The following KCTD9 variants were observed in gnomAD, a reference collection of about 807,000 sequenced individuals.
The protein encoded by KCTD9 is potassium channel tetramerization domain containing 9, also known as BTB/POZ domain-containing protein KCTD9.
KCTD9 carries 17 observed loss-of-function variants against 53.3 expected under a neutral mutation model. That is an observed-to-expected ratio of 0.32 (90% confidence interval 0.22 to 0.48). The LOEUF is 0.48. KCTD9 is among the 20% of genes least tolerant of loss of function. The pLI, the probability that KCTD9 is intolerant of heterozygous loss-of-function variation, is 0.99. For missense variants in KCTD9, 179 were observed against 465.5 expected (o/e 0.38, Z 5.66); for synonymous variants, 128 against 162.7 (o/e 0.79, Z 1.62).
chr8:25,445,978 A>G (rs1802207631), intron 2 of KCTD9, 151 bp downstream of exon 2: 1 of 915,242 alleles, frequency 1.1e-6, no homozygotes, highest in African/African-American at 1.7e-5. Context: ...CCTTAAGCCC[A>G]AATGATTTAA....
intron 1 of KCTD9, among the ~76,000 whole-genome samples, chr8:25,457,998 G>A (rs1263955304): frequency 6.6e-6 from 1 of 151,524 alleles, no homozygotes; most frequent in Non-Finnish European, 1.5e-5. Context: ...CTGAGGCACT[G>A]AAGGGCAGGC....
At chr8:25,448,330 C>A (rs7841309) in intron 1 of KCTD9, among the ~76,000 whole-genome samples, 148,246 of 152,172 alleles carry the variant, frequency 0.97, 72,313 homozygotes, top group East Asian at 1. Flanking sequence ...AAGTACCCAA[C>A]ACAGGCAAAT....
chr8:25,450,399 T>C, intron 1 of KCTD9: 12 of 984,490 alleles, frequency 1.2e-5, no homozygotes, highest in Non-Finnish European at 1.4e-5. Flanking sequence ...AGCAGGTCTT[T>C]GACAAATATT....
In KCTD9 at chr8:25,458,255, C is replaced by A. The variant is rs1350866537; in HGVS notation, c.-9G>T. On this transcript the variant is annotated 5_prime_UTR_variant, in exon 1 of 12. Transcript: ENST00000221200. ...AGGGTCACCCGCCTCATCGCGCTGC[C>A]CCCGCTGGGTCCTGAGTGAGCCGCC... 1 of 1,610,554 alleles carries A rather than the reference C, an allele frequency of 6.2e-7. No homozygotes were observed. The highest frequency in any genetic ancestry group is 8.5e-7 in the Non-Finnish European group (1 of 1,179,558).
chr8:25,446,378 A>G, intron 1 of KCTD9, 128 bp from the exon 2 acceptor site: 1 of 1,054,914 alleles, frequency 9.5e-7, no homozygotes, highest in Non-Finnish European at 1.4e-6. Context: ...AAGGTTCTTA[A>G]CAGTGCCCCC....
At position 25,428,541 on chromosome 8, in the gene KCTD9, T is replaced by C. The variant is rs1801877435; in HGVS notation, c.*1316A>G. 6.6e-6 allele frequency: 1 copy of C among 152,410 alleles called. No individual in the cohort carries two copies. Among genetic ancestry groups the C allele is most frequent in the African/African-American group, 2.4e-5 (1 of 41,368 alleles). The allele number at this position is 152,410 out of a possible 1,614,324, so 9.4% of individuals were successfully genotyped here. On this transcript the variant is annotated 3_prime_UTR_variant, in exon 12 of 12. Coordinates refer to ENST00000221200, the MANE Select transcript of KCTD9 (RefSeq NM_017634.4). ...AGAACCCATTTGGACACAGCTAATA[T>C]CCCTGCTCTTGGGGTAGAAAATAAG... is the stretch of plus-strand genomic sequence containing the variant.
chr8:25,435,924 A>G (rs1302371047), intron 8 of KCTD9, among the ~76,000 whole-genome samples: 2 of 152,228 alleles, frequency 1.3e-5, no homozygotes, highest in African/African-American at 4.8e-5. Context: ...ACACATAAGT[A>G]AAGTACCTGC....
chr8:25,430,808 TACACACACAC>T lies in KCTD9; in HGVS notation c.1054-845_1054-836del, dbSNP rs139075991. ...ACAGAATGGATTCCAACATAATAAA[TACACACACAC>T]ACACACACACACACACACACACACA... On this transcript the variant is annotated intron_variant, in intron 11 of 11. Transcript: ENST00000221200. Among the ~76,000 whole-genome samples the T allele has an allele frequency of 1.2e-3, 174 of 145,574 alleles. 1 individual carries two copies. Among genetic ancestry groups the T allele is most frequent in the African/African-American group, 3.9e-3 (152 of 39,050 alleles).
At chr8:25,450,170 C>T (rs948265821) in intron 1 of KCTD9, among the ~76,000 whole-genome samples, 2 of 152,194 alleles carry the variant, frequency 1.3e-5, no homozygotes, top group Non-Finnish European at 2.9e-5. Flanking sequence ...GTATCAAAAA[C>T]AATTTACCGT....
rs1801970605 is a variant in KCTD9 at position 25,433,764 on chromosome 8, CAT to C, written c.814-331_814-330del. ...ACACCTCTATCTCTATTTTTATAAA[CAT>C]ACCTATGCATGACAATGAAACAGTC... On this transcript the variant is annotated intron_variant, in intron 9 of 11. Transcript: ENST00000221200. Among the ~76,000 whole-genome samples the C allele has an allele frequency of 2.6e-5, 4 of 152,262 alleles. No individual in the cohort carries two copies. In the South Asian group the frequency reaches 8.3e-4, roughly 32 times the overall value.
Position 25,428,235 on chromosome 8 carries a change from T to C in KCTD9, c.*1622A>G, listed in dbSNP as rs750112957. The C allele has an allele frequency of 6.6e-6, 1 of 152,624 alleles. No individual in the cohort carries two copies. 9.5% of individuals were successfully genotyped at this position (152,624 alleles called of 1,614,324 possible). The stretch of plus-strand genomic sequence containing the variant: ...GATTTAAATATAATTTAGGCACATA[T>C]TGATTATGAAAATAGATTATCTCTC... On this transcript the variant is annotated 3_prime_UTR_variant, in exon 12 of 12. Transcript: ENST00000221200.
At chr8:25,451,262 A>T (rs1167080084) in intron 1 of KCTD9, among the ~76,000 whole-genome samples, 2 of 152,246 alleles carry the variant, frequency 1.3e-5, no homozygotes, top group Non-Finnish European at 2.9e-5. Context: ...TTTGTCATAC[A>T]TATGGAAAAG....
chr8:25,446,051 A>G (rs1235775608), intron 2 of KCTD9, 78 bp downstream of exon 2: 2 of 1,544,340 alleles, frequency 1.3e-6, no homozygotes, highest in African/African-American at 1.4e-5. Context: ...CAGTGATTAA[A>G]TTACTGCTTA....
At chr8:25,439,438 C>A (rs778020774) in intron 5 of KCTD9, 31 bp from the exon 6 acceptor site, 1 of 1,578,072 alleles carries the variant, frequency 6.3e-7, no homozygotes, top group Non-Finnish European at 8.6e-7. Context: ...AGAAAGTCCC[C>A]CATAAACAAA....
intron 1 of KCTD9, among the ~76,000 whole-genome samples, chr8:25,447,398 A>T (rs1462690235): frequency 6.6e-6 from 1 of 152,170 alleles, no homozygotes; most frequent in Non-Finnish European, 1.5e-5. Context: ...CCGCTAAAAA[A>T]AGAAAAATAA....
rs1416884110 is a variant in KCTD9, at chr8:25,435,531, A to C, written c.664-19T>G. 1 of 1,579,118 alleles carries C rather than the reference A, an allele frequency of 6.3e-7. No homozygotes were observed. Among genetic ancestry groups the C allele is most frequent in the Non-Finnish European group, 8.6e-7 (1 of 1,164,426 alleles). ...TCAAACCCTGAAATAAAAAAGCACAAATTGTCACCATAACTAAATCGTCTG... is the reference window on the plus strand; with the variant it reads ...TCAAACCCTGAAATAAAAAAGCACACATTGTCACCATAACTAAATCGTCTG... On this transcript the variant is annotated intron_variant, in intron 8 of 11. Transcript: ENST00000221200.
chr8:25,447,417 A>C (rs1318894463), intron 1 of KCTD9, among the ~76,000 whole-genome samples: 7 of 152,192 alleles, frequency 4.6e-5, no homozygotes, highest in Admixed American at 4.6e-4. Context: ...AAGTAGGTGA[A>C]GAGCTAAACA....
At chr8:25,445,342 C>T (rs1802196678) in intron 2 of KCTD9, among the ~76,000 whole-genome samples, 1 of 152,076 alleles carries the variant, frequency 6.6e-6, no homozygotes, top group Admixed American at 6.5e-5. Context: ...TGATTAACTG[C>T]AAAGCAGTAT....
At chr8:25,439,227 T>A (rs993740885) in intron 6 of KCTD9, 52 bp downstream of exon 6, 1 of 1,410,006 alleles carries the variant, frequency 7.1e-7, no homozygotes, top group Non-Finnish European at 9.7e-7. Flanking sequence ...ATCTTAAACT[T>A]ACAAAAATGT....
Sources: allele counts gnomAD v4.1 joint callset (sites outside exome capture counted in the v4.1 genomes callset), GRCh38; gene constraint gnomAD v4.1.1; transcripts MANE v1.5; gene names NCBI Gene and HGNC (gene_info 2026-07-23, HGNC 2026-07-21).